Variants in MCPH1 observed in about 807,000 individuals in gnomAD.
MCPH1 encodes the protein microcephalin 1, also known as microcephalin.
MCPH1 carries 104 observed loss-of-function variants against 84.5 expected under a neutral mutation model. That is an observed-to-expected ratio of 1.23 (90% confidence interval 1.05 to 1.45). The LOEUF (loss-of-function observed/expected upper bound fraction) is 1.45. Ranked by LOEUF, MCPH1 falls within the 40% of genes most tolerant of loss-of-function variation. MCPH1 has a pLI of 0.00. For missense variants in MCPH1, 1,498 were observed against 1,005.7 expected (o/e 1.49, Z -6.62); for synonymous variants, 514 against 366.8 (o/e 1.40, Z -4.58).
intron 12 of MCPH1, among the ~76,000 whole-genome samples, chr8:6,506,706 A>G (rs1386670504): frequency 6.6e-6 from 1 of 152,068 alleles, no homozygotes; most frequent in Non-Finnish European, 1.5e-5. Flanking sequence ...TCATTGGTGT[A>G]ATAATGGTGT....
At chr8:6,642,767 C>G (rs965998665) in intron 13 of MCPH1, 6 of 587,488 alleles carry the variant, frequency 1.0e-5, no homozygotes, top group Non-Finnish European at 1.9e-5. Context: ...CTACCAAGCA[C>G]TTGAACTGGC....
intron 13 of MCPH1, among the ~76,000 whole-genome samples, chr8:6,628,297 C>T (rs1295155679): frequency 6.6e-6 from 1 of 151,754 alleles, no homozygotes; most frequent in Non-Finnish European, 1.5e-5. Flanking sequence ...AGTGAAACCC[C>T]GTCTCTATTA....
rs77159157 is a variant in MCPH1 at position 6,446,209 on chromosome 8, A to C, written c.1825+662A>C. 82 of 914,876 alleles carry C rather than the reference A, an allele frequency of 9.0e-5. No homozygotes were observed. In the African/African-American group the frequency reaches 1.4e-3, roughly 16 times the overall value. The allele number at this position is 914,876 out of a possible 1,614,324, so 56.7% of individuals were successfully genotyped here. On this transcript the variant is annotated intron_variant, in intron 8 of 13. Coordinates refer to ENST00000344683, the MANE Select transcript of MCPH1 (RefSeq NM_024596.5). ...TATAATAAACCATATCATTTTATTA[A>C]AAGTCAAAACAATAAAAAATTTTGC...
At chr8:6,502,952 G>T (rs1812481022) in intron 12 of MCPH1, 1 of 835,160 alleles carries the variant, frequency 1.2e-6, no homozygotes, top group Non-Finnish European at 1.9e-6. Flanking sequence ...AAGTTTACAG[G>T]CTCTAATCTG....
chr8:6,578,840 C>T (rs1195134202), intron 12 of MCPH1, among the ~76,000 whole-genome samples: 1 of 152,196 alleles, frequency 6.6e-6, no homozygotes, highest in Non-Finnish European at 1.5e-5. Context: ...CTGCTCTCGG[C>T]TCCTTTGGAA....
intron 12 of MCPH1, among the ~76,000 whole-genome samples, chr8:6,559,753 T>G (rs77550134): frequency 0.014 from 2,093 of 152,314 alleles, 57 homozygotes; most frequent in African/African-American, 0.048. Context: ...TAAAGTGTGT[T>G]TAATATCACC....
intron 9 of MCPH1, among the ~76,000 whole-genome samples, chr8:6,460,614 C>A (rs1245051204): frequency 6.6e-6 from 1 of 152,040 alleles, no homozygotes; most frequent in Non-Finnish European, 1.5e-5. Context: ...GAAATAACTC[C>A]CTTTTCTGGC....
chr8:6,445,703 C>G (rs759546746), intron 8 of MCPH1, 156 bp downstream of exon 8: 22 of 1,422,104 alleles, frequency 1.5e-5, no homozygotes, highest in Non-Finnish European at 1.7e-5. Context: ...ATGATAAACT[C>G]TTTAGGAATA....
chr8:6,527,899 A>ATTTTTTTTTTTT lies in MCPH1; in HGVS notation c.2214+27973_2214+27984dup, dbSNP rs71213313. The stretch of plus-strand genomic sequence containing the variant: ...TTTTTACTCTTTTCCCCACGTCTCT[A>ATTTTTTTTTTTT]TTTTTTTTTTTTTTGAGATGGAATC... On this transcript the variant is annotated intron_variant, in intron 12 of 13. Coordinates refer to ENST00000344683, the MANE Select transcript of MCPH1 (RefSeq NM_024596.5). 5.1e-3 allele frequency among the ~76,000 whole-genome samples: 673 copies of ATTTTTTTTTTTT among 132,938 alleles called. 14 individuals carry two copies. Among genetic ancestry groups the ATTTTTTTTTTTT allele is most frequent in the Non-Finnish European group, 7.4e-3 (451 of 61,184 alleles). The allele number at this position is 132,938 out of a possible 152,430, so 87.2% of individuals were successfully genotyped here.
intron 8 of MCPH1, among the ~76,000 whole-genome samples, chr8:6,450,874 C>T (rs1046092613): frequency 2.0e-5 from 3 of 152,094 alleles, no homozygotes; most frequent in Admixed American, 6.6e-5. Flanking sequence ...TCCTGAGTAG[C>T]TGGGACTACA....
intron 4 of MCPH1, among the ~76,000 whole-genome samples, chr8:6,432,337 T>C (rs891930377): frequency 6.6e-6 from 1 of 152,268 alleles, no homozygotes; most frequent in African/African-American, 2.4e-5. Context: ...TTGTAAATAG[T>C]TGTTACACTG....
intron 3 of MCPH1, among the ~76,000 whole-genome samples, chr8:6,422,831 G>A (rs188760962): frequency 2.6e-5 from 4 of 152,130 alleles, no homozygotes; most frequent in Non-Finnish European, 4.4e-5. Context: ...TGGGACTACC[G>A]GAGCCCGCCA....
At position 6,495,068 on chromosome 8, in the gene MCPH1, A is replaced by G. The variant is rs116607602; in HGVS notation, c.2137-4784A>G. Among the ~76,000 whole-genome samples the G allele has an allele frequency of 2.7e-3, 407 of 152,306 alleles. 1 individual carries two copies. The highest frequency in any genetic ancestry group is 9.3e-3 in the African/African-American group (385 of 41,556). ...AGAAGAATAGCTTATTTTGGAACAG[A>G]TATTATTGGCTTGAAATTTTGCCAG... On this transcript the variant is annotated intron_variant, in intron 11 of 13. Transcript: ENST00000344683.
chr8:6,457,555 A>G (rs1805830904), intron 9 of MCPH1, among the ~76,000 whole-genome samples: 2 of 152,134 alleles, frequency 1.3e-5, no homozygotes, highest in Admixed American at 6.5e-5. Flanking sequence ...CAGTGAGTCG[A>G]GATCATGCCA....
At position 6,624,908 on chromosome 8, in the gene MCPH1, T is replaced by C. The variant is rs28709023; in HGVS notation, c.2452+3217T>C. On this transcript the variant is annotated intron_variant, in intron 13 of 13. Transcript: ENST00000344683. ...TTTTTTTTCTGAGATGGAGTCTCGC[T>C]GTGTCACCAGGCTGGAGTGTGCAGT... 6.9e-3 allele frequency: 6,517 copies of C among 950,970 alleles called. 354 individuals are homozygous for C. In the African/African-American group the frequency reaches 0.1, roughly 15 times the overall value. 58.9% of individuals were successfully genotyped at this position (950,970 alleles called of 1,614,324 possible). A position where few individuals can be genotyped will look rare whatever the true frequency, so the allele number is the denominator to read the frequency against.
intron 12 of MCPH1, chr8:6,513,756 T>G: frequency 6.2e-7 from 1 of 1,613,974 alleles, no homozygotes; most frequent in Non-Finnish European, 8.5e-7. Flanking sequence ...GTCTTTAAGG[T>G]GTATTTTAAG....
chr8:6,470,402 G>C (rs1480334023), intron 9 of MCPH1, among the ~76,000 whole-genome samples: 1 of 152,068 alleles, frequency 6.6e-6, no homozygotes, highest in Non-Finnish European at 1.5e-5. Context: ...TCCTACCTCA[G>C]CCTCCTGAGT....
intron 12 of MCPH1, among the ~76,000 whole-genome samples, chr8:6,509,577 G>A (rs1814533955): frequency 6.6e-6 from 1 of 152,034 alleles, no homozygotes; most frequent in South Asian, 2.1e-4. Context: ...ATTTCCTCAT[G>A]TCTGTATAGT....
chr8:6,616,572 G>A (rs562103154), intron 12 of MCPH1: 3 of 152,348 alleles, frequency 2.0e-5, no homozygotes, highest in South Asian at 2.1e-4. Flanking sequence ...CTTAACTGAC[G>A]GACTTTCCTA....
Sources: allele counts gnomAD v4.1 joint callset (sites outside exome capture counted in the v4.1 genomes callset), GRCh38; gene constraint gnomAD v4.1.1; transcripts MANE v1.5; gene names NCBI Gene and HGNC (gene_info 2026-07-23, HGNC 2026-07-21).